The following SHISA9 variants were observed in gnomAD, a reference collection of about 807,000 sequenced individuals.
SHISA9 encodes shisa family member 9.
Under a neutral mutation model 38.0 loss-of-function variants are expected in SHISA9, and 13 were observed. The observed-to-expected ratio is 0.34, with a 90% CI of 0.22 to 0.54. SHISA9 has a LOEUF of 0.54. Ranked by LOEUF, SHISA9 falls within the 20% of genes least tolerant of loss-of-function variation. SHISA9 has a pLI of 0.91. For missense variants in SHISA9, 538 were observed against 575.8 expected (o/e 0.93, Z 0.67); for synonymous variants, 275 against 242.0 (o/e 1.14, Z -1.27).
At chr16:13,178,485 C>G (rs2050750742) in intron 2 of SHISA9, among the ~76,000 whole-genome samples, 1 of 152,198 alleles carries the variant, frequency 6.6e-6, no homozygotes, top group South Asian at 2.1e-4. Flanking sequence ...GCTCCCGACA[C>G]AGCAGATGGA....
intron 2 of SHISA9, among the ~76,000 whole-genome samples, chr16:13,057,680 C>T (rs1462671774): frequency 1.3e-5 from 2 of 152,292 alleles, no homozygotes; most frequent in Admixed American, 6.5e-5. Flanking sequence ...TTCTGCGATA[C>T]ATGTGCAGAA....
At chr16:13,439,296 C>T in the SHISA9 span, among the ~76,000 whole-genome samples, 50 of 152,066 alleles carry the variant, frequency 3.3e-4, no homozygotes, top group Admixed American at 5.9e-4. Context: ...TTCCCAGTCT[C>T]TAAGGTACAG....
the SHISA9 span, among the ~76,000 whole-genome samples, chr16:13,427,110 G>T: frequency 2.0e-5 from 3 of 152,178 alleles, no homozygotes; most frequent in Non-Finnish European, 4.4e-5. Context: ...ATTGTTGGCT[G>T]GCATTGCAAG....
chr16:13,291,396 T>A, the SHISA9 span, among the ~76,000 whole-genome samples: 1 of 152,188 alleles, frequency 6.6e-6, no homozygotes, highest in Admixed American at 6.5e-5. Flanking sequence ...TTTGCAGTAA[T>A]CTTTGCAAAC....
the SHISA9 span, among the ~76,000 whole-genome samples, chr16:13,471,808 G>T: frequency 6.6e-6 from 1 of 152,080 alleles, no homozygotes; most frequent in African/African-American, 2.4e-5. Context: ...ATAAGCAAAA[G>T]TCACTGTAAT....
At chr16:13,287,532 C>T in the SHISA9 span, among the ~76,000 whole-genome samples, 1 of 152,054 alleles carries the variant, frequency 6.6e-6, no homozygotes, top group Non-Finnish European at 1.5e-5. Context: ...CATTTGTGAA[C>T]ATAATATGAT....
chr16:13,200,258 C>A (rs997207798), intron 2 of SHISA9, among the ~76,000 whole-genome samples: 19 of 152,172 alleles, frequency 1.2e-4, no homozygotes, highest in African/African-American at 4.1e-4. Context: ...CATTTAAGTC[C>A]TTTGGTATGT....
At chr16:13,139,392 T>C (rs1327267023) in intron 2 of SHISA9, among the ~76,000 whole-genome samples, 1 of 105,492 alleles carries the variant, frequency 9.5e-6, no homozygotes, top group Non-Finnish European at 1.9e-5. Context: ...CTCCCTTCCT[T>C]CTTTCCTTCC....
the SHISA9 span, among the ~76,000 whole-genome samples, chr16:13,334,409 C>T: frequency 1.8e-4 from 28 of 152,132 alleles, no homozygotes; most frequent in African/African-American, 4.8e-4. Flanking sequence ...CTTCTGTCTC[C>T]GAGCTTTACT....
At chr16:13,293,627 A>G in the SHISA9 span, among the ~76,000 whole-genome samples, 33 of 152,276 alleles carry the variant, frequency 2.2e-4, no homozygotes, top group African/African-American at 7.9e-4. Context: ...ATTATTGGCA[A>G]TGTTTTTGTT....
At chr16:13,445,016 A>G in the SHISA9 span, among the ~76,000 whole-genome samples, 1 of 60,566 alleles carries the variant, frequency 1.7e-5, no homozygotes, top group African/African-American at 7.9e-5. Context: ...ATATATATAT[A>G]TATATATATA....
the SHISA9 span, among the ~76,000 whole-genome samples, chr16:13,272,800 C>G: frequency 5.3e-5 from 8 of 152,124 alleles, no homozygotes; most frequent in African/African-American, 1.9e-4. Flanking sequence ...AACCTGTTAT[C>G]TTTCTCTCTT....
At chr16:13,372,306 G>A in the SHISA9 span, among the ~76,000 whole-genome samples, 1 of 152,186 alleles carries the variant, frequency 6.6e-6, no homozygotes, top group Non-Finnish European at 1.5e-5. Flanking sequence ...AAGGTGCTGG[G>A]TGCTGGGCTA....
chr16:13,033,645 G>T (rs1378529211), intron 2 of SHISA9, among the ~76,000 whole-genome samples: 1 of 152,166 alleles, frequency 6.6e-6, no homozygotes, highest in East Asian at 1.9e-4. Flanking sequence ...GTGTACTATT[G>T]TATCAATAAA....
At chr16:13,307,708 T>G in the SHISA9 span, among the ~76,000 whole-genome samples, 1 of 152,242 alleles carries the variant, frequency 6.6e-6, no homozygotes, top group African/African-American at 2.4e-5. Flanking sequence ...CCATTCTTTC[T>G]CCTTATAGGA....
the SHISA9 span, among the ~76,000 whole-genome samples, chr16:13,425,318 C>T: frequency 1.7e-4 from 26 of 152,176 alleles, no homozygotes; most frequent in African/African-American, 5.8e-4. Context: ...AAAACCCCAT[C>T]TCTCCTAAAA....
chr16:13,505,332 C>T, the SHISA9 span, among the ~76,000 whole-genome samples: 1 of 152,164 alleles, frequency 6.6e-6, no homozygotes, highest in East Asian at 1.9e-4. Context: ...TGGTGCCCTT[C>T]TGGGGGCTTC....
At chr16:13,409,834 G>A in the SHISA9 span, among the ~76,000 whole-genome samples, 4 of 152,148 alleles carry the variant, frequency 2.6e-5, no homozygotes, top group Admixed American at 2.0e-4. Context: ...AAAAATATGC[G>A]AACATGTAAA....
the SHISA9 span, among the ~76,000 whole-genome samples, chr16:13,534,513 C>T: frequency 2.6e-5 from 4 of 152,208 alleles, no homozygotes; most frequent in Non-Finnish European, 5.9e-5. Context: ...GTGTGAGTCA[C>T]CATGCCAGGC....
Sources: gnomAD v4.1 joint callset for allele counts (sites outside exome capture counted in the v4.1 genomes callset) on GRCh38, gnomAD v4.1.1 for gene constraint, MANE v1.5 for transcripts, NCBI Gene and HGNC (gene_info 2026-07-23, HGNC 2026-07-21) for gene names.